The following TRPA1 variants were observed in gnomAD, a reference collection of about 807,000 sequenced individuals.
TRPA1 encodes the protein transient receptor potential cation channel subfamily A member 1.
In TRPA1, 129 loss-of-function variants were observed where a neutral mutation model predicts 131.3. The ratio of observed to expected loss-of-function variants is 0.98; its 90% CI spans 0.85 to 1.14. TRPA1 has a LOEUF of 1.14. Ranked by LOEUF, TRPA1 falls within the 50% of genes most tolerant of loss-of-function variation. The pLI, the probability that TRPA1 is intolerant of heterozygous loss-of-function variation, is 0.00. For missense variants in TRPA1, 1,304 were observed against 1,354.2 expected, an observed-to-expected ratio of 0.96 and a Z score of 0.58; for synonymous variants, 441 against 451.7, an observed-to-expected ratio of 0.98 and a Z score of 0.30.
At chr8:72,073,660 C>G (rs1244232545) in intron 1 of TRPA1, among the ~76,000 whole-genome samples, 2 of 152,134 alleles carry the variant, frequency 1.3e-5, no homozygotes, top group African/African-American at 4.8e-5. Flanking sequence ...GATGATAAAT[C>G]TAAATAAAGA....
At chr8:72,078,610 A>G (rs879935465), upstream of TRPA1, among the ~76,000 whole-genome samples, 8 of 152,124 alleles carry the variant, frequency 5.3e-5, no homozygotes, top group Non-Finnish European at 7.4e-5. Context: ...ATTGATCAAT[A>G]GTATTCCATT....
rs1805644032 is a variant in TRPA1, at chr8:72,055,570, G to A, written c.1395C>T (p.Leu465=). 1 of 1,613,620 alleles carries A rather than the reference G, an allele frequency of 6.2e-7. No homozygotes were observed. The highest frequency in any genetic ancestry group is 1.3e-5 in the African/African-American group (1 of 75,022). The change falls in exon 12 of 27, where the codon CTC becomes CTT. Residue 465 remains leucine, a synonymous_variant. Transcript: ENST00000262209. ...SYGRINTCQR[L]LQDISDTRLL... ...GCCTCGTATCACTTATGTCTTGTAG[G>A]AGCCTCTGACAGGTATTGATACGCC...
At chr8:72,069,759 A>C (rs574396390) in intron 2 of TRPA1, among the ~76,000 whole-genome samples, 25 of 152,232 alleles carry the variant, frequency 1.6e-4, no homozygotes, top group Admixed American at 7.8e-4. Flanking sequence ...TAAAAAAAAA[A>C]CATATATTCA....
intron 4 of TRPA1, among the ~76,000 whole-genome samples, chr8:72,064,043 G>A (rs1318417770): frequency 6.6e-6 from 1 of 152,004 alleles, no homozygotes; most frequent in Non-Finnish European, 1.5e-5. Flanking sequence ...AAAGATGTTA[G>A]AAGAACTGAA....
Position 72,075,459 on chromosome 8 carries a change from G to C in TRPA1, c.-50C>G, listed in dbSNP as rs770391316. On this transcript the variant is annotated 5_prime_UTR_variant, in exon 1 of 27. Coordinates refer to ENST00000262209, the MANE Select transcript of TRPA1 (RefSeq NM_007332.3). ...GTGCAGCTGCTCACCACGCGCGCGG[G>C]CACCTGGGGCGAGAGAGCGCTGTCA... 6.8e-7 allele frequency: 1 copy of C among 1,471,110 alleles called. No homozygotes were observed. The highest frequency in any genetic ancestry group is 1.4e-5 in the African/African-American group (1 of 72,540). 91.1% of individuals were successfully genotyped at this position (1,471,110 alleles called of 1,614,324 possible).
Position 72,046,479 on chromosome 8 carries a change from G to T in TRPA1, c.2061+34C>A, listed in dbSNP as rs112894736. On this transcript the variant is annotated intron_variant, in intron 17 of 26. Coordinates refer to ENST00000262209, the MANE Select transcript of TRPA1 (RefSeq NM_007332.3). ...AATAAAAAAAAAAAAAGAAAAAAAA[G>T]AAACTATTTAGATAATGAAAACATT... The T allele has an allele frequency of 1.1e-3, 1,255 of 1,187,252 alleles. 15 individuals carry two copies. In the African/African-American group the frequency reaches 0.014, roughly 14 times the overall value. 73.5% of individuals were successfully genotyped at this position (1,187,252 alleles called of 1,614,324 possible).
intron 9 of TRPA1, among the ~76,000 whole-genome samples, chr8:72,057,501 C>T (rs1256004854): frequency 6.6e-6 from 1 of 152,160 alleles, no homozygotes; most frequent in African/African-American, 2.4e-5. Context: ...TACTATTGTT[C>T]TGAAATTATC....
intron 5 of TRPA1, 71 bp downstream of exon 5, chr8:72,063,392 A>G (rs1047437530): frequency 4.0e-5 from 48 of 1,190,594 alleles, no homozygotes; most frequent in Non-Finnish European, 5.5e-5. Flanking sequence ...AAGAAAAAAA[A>G]AAATCAAATT....
rs763032734 is a variant in TRPA1 at position 72,052,636 on chromosome 8, T to G, written c.1774A>C (p.Arg592=). 201 of 1,613,612 alleles carry G rather than the reference T, an allele frequency of 1.2e-4. No individual in the cohort carries two copies. The highest frequency in any genetic ancestry group is 1.6e-4 in the Non-Finnish European group (191 of 1,179,780). Residue 592 remains arginine (R), a synonymous_variant, in exon 14 of 27, where the codon AGG becomes CGG. Transcript: ENST00000262209. ...ATGATCGTAAGAACAACCTCCTTCCTCTTATTGTGAAGTGCAAGGTGCAAA... is the reference window on the plus strand; with the variant it reads ...ATGATCGTAAGAACAACCTCCTTCCGCTTATTGTGAAGTGCAAGGTGCAAA... ...SFLHLALHNK[R]KEVVLTIIRS...
intron 22 of TRPA1, among the ~76,000 whole-genome samples, 168 bp downstream of exon 22, chr8:72,034,080 C>A (rs191882323): frequency 6.6e-6 from 1 of 152,048 alleles, no homozygotes; most frequent in Non-Finnish European, 1.5e-5. Context: ...CACGACTATA[C>A]TTTTTTCTGC....
At chr8:72,054,040 G>A in intron 12 of TRPA1, 173 bp from the exon 13 acceptor site, 1 of 616,522 alleles carries the variant, frequency 1.6e-6, no homozygotes. Flanking sequence ...CAAGCTCAAT[G>A]ATCTTAAATG....
chr8:72,087,631 A>AT, the TRPA1 span, among the ~76,000 whole-genome samples: 23 of 146,382 alleles, frequency 1.6e-4, no homozygotes, highest in African/African-American at 5.8e-4. Flanking sequence ...GGATCTATCA[A>AT]ATATATATAT....
At chr8:72,064,820 T>TGCCAGAAGCAG (rs147052053) in intron 4 of TRPA1, among the ~76,000 whole-genome samples, 109,636 of 151,822 alleles carry the variant, frequency 0.72, 41,339 homozygotes, top group East Asian at 0.98. Context: ...GATGGAGCAC[T>TGCCAGAAGCAG]GAGGAAGTCA....
At chr8:72,063,412 C>A in intron 5 of TRPA1, 51 bp downstream of exon 5, 2 of 1,318,046 alleles carry the variant, frequency 1.5e-6, no homozygotes, top group East Asian at 2.3e-5. Context: ...TAATAGCATC[C>A]ACCAAAATAG....
At chr8:72,025,582 T>C (rs779415910) in intron 25 of TRPA1, among the ~76,000 whole-genome samples, 2 of 152,006 alleles carry the variant, frequency 1.3e-5, no homozygotes, top group Non-Finnish European at 2.9e-5. Context: ...CCCTTGGCTG[T>C]ATATACTCAC....
At position 72,022,973 on chromosome 8, in the gene TRPA1, TG is replaced by T; in HGVS notation, c.3292del (p.Gln1098LysfsTer10). On this transcript the variant is annotated frameshift_variant, in exon 27 of 27. Transcript: ENST00000262209. LOFTEE classifies it high-confidence loss of function. ...CACAGTATTCCATCTGCTATTCCTT[TG>T]TTCCATCTGCTCTTTCTTAAACCTG... The part of the protein sequence containing the change: ...QDRFKKEQME[Q>X]RNSRWNTVLR... 1 of 1,613,914 alleles carries T rather than the reference TG, an allele frequency of 6.2e-7. No individual in the cohort carries two copies. Among genetic ancestry groups the T allele is most frequent in the Non-Finnish European group, 8.5e-7 (1 of 1,179,870 alleles).
chr8:72,029,510 A>G (rs188029608), intron 24 of TRPA1, among the ~76,000 whole-genome samples: 1 of 152,336 alleles, frequency 6.6e-6, no homozygotes, highest in Admixed American at 6.5e-5. Flanking sequence ...AAAAGGAAGT[A>G]ACGATAATGG....
intron 6 of TRPA1, 105 bp downstream of exon 6, chr8:72,062,694 C>A (rs965745873): frequency 3.5e-6 from 4 of 1,148,138 alleles, no homozygotes; most frequent in African/African-American, 3.1e-5. Flanking sequence ...ATATGTATTT[C>A]TTGTATGTAT....
chr8:72,036,373 C>G lies in TRPA1; in HGVS notation c.2470G>C (p.Val824Leu). 1 of 1,614,146 alleles carries G rather than the reference C, an allele frequency of 6.2e-7. No homozygotes were observed. The highest frequency in any genetic ancestry group is 1.1e-5 in the South Asian group (1 of 91,088). The change falls in exon 21 of 27, where the codon GTT becomes CTT. Residue 824 changes from valine to leucine, a missense_variant. Coordinates refer to ENST00000262209, the MANE Select transcript of TRPA1 (RefSeq NM_007332.3). ...TGIIFVLPLFVEIPAHLQWQC... is the reference protein window; with the variant it reads ...TGIIFVLPLFLEIPAHLQWQC... ...CACTGCAGATGAGCTGGTATTTCAA[C>G]AAACAAGGGCAGCACAAAAATGATG...
Sources: gnomAD v4.1 joint callset for allele counts (sites outside exome capture counted in the v4.1 genomes callset) on GRCh38, gnomAD v4.1.1 for gene constraint, MANE v1.5 for transcripts, NCBI Gene and HGNC (gene_info 2026-07-23, HGNC 2026-07-21) for gene names.